The following FRMD4A variants were observed in gnomAD, a reference collection of about 807,000 sequenced individuals.
FRMD4A encodes the protein FERM domain containing 4A.
FRMD4A carries 29 observed loss-of-function variants against 129.1 expected under a neutral mutation model. The observed-to-expected ratio is 0.22, with a 90% CI of 0.17 to 0.31. FRMD4A has a LOEUF of 0.31. FRMD4A is among the 10% of genes least tolerant of loss of function. FRMD4A has a pLI of 1.00. For synonymous variants in FRMD4A, 634 were observed against 571.6 expected, an observed-to-expected ratio of 1.11 and a Z score of -1.56; for missense variants, 1,272 against 1,375.8, an observed-to-expected ratio of 0.92 and a Z score of 1.19.
At chr10:13,903,455 A>C (rs1365293053) in intron 2 of FRMD4A, among the ~76,000 whole-genome samples, 1 of 152,210 alleles carries the variant, frequency 6.6e-6, no homozygotes, top group Non-Finnish European at 1.5e-5. Flanking sequence ...GAGGCCGTGC[A>C]TGGTGGCTTA....
chr10:13,966,423 C>T (rs1286571411), intron 2 of FRMD4A, among the ~76,000 whole-genome samples: 1 of 152,160 alleles, frequency 6.6e-6, no homozygotes, highest in African/African-American at 2.4e-5. Flanking sequence ...TTTGCACTAA[C>T]CTAATAGAAG....
chr10:13,968,473 A>G (rs1282562854), intron 2 of FRMD4A, among the ~76,000 whole-genome samples: 1 of 152,090 alleles, frequency 6.6e-6, no homozygotes, highest in African/African-American at 2.4e-5. Flanking sequence ...TTTTTTTGAG[A>G]CGTAGTCTCA....
At chr10:13,824,321 C>CAAAAAAAAAAAAAAAAA in intron 3 of FRMD4A, among the ~76,000 whole-genome samples, 1 of 99,046 alleles carries the variant, frequency 1.0e-5, no homozygotes, top group Admixed American at 1.2e-4. Flanking sequence ...ACTAAAAATA[C>CAAAAAAAAAAAAAAAAA]AAAAAAAAAA....
At chr10:13,824,092 G>C (rs1430177936) in intron 3 of FRMD4A, among the ~76,000 whole-genome samples, 1 of 152,092 alleles carries the variant, frequency 6.6e-6, no homozygotes, top group Non-Finnish European at 1.5e-5. Context: ...CCAAGATTAA[G>C]TTACAGAAAA....
At chr10:13,975,426 C>T (rs1324479443) in intron 2 of FRMD4A, among the ~76,000 whole-genome samples, 9 of 150,438 alleles carry the variant, frequency 6.0e-5, no homozygotes, top group Admixed American at 3.3e-4. Context: ...TGTGTCTGTG[C>T]GTATGTGTGT....
At chr10:14,013,478 C>A (rs1706111250) in intron 2 of FRMD4A, among the ~76,000 whole-genome samples, 1 of 152,106 alleles carries the variant, frequency 6.6e-6, no homozygotes, top group South Asian at 2.1e-4. Context: ...GTGTGGGGCT[C>A]AGGGAAAGAG....
intron 2 of FRMD4A, among the ~76,000 whole-genome samples, chr10:13,927,519 G>T (rs916230496): frequency 1.3e-5 from 2 of 152,132 alleles, no homozygotes; most frequent in East Asian, 1.9e-4. Flanking sequence ...GATTCAAGTG[G>T]TTTCTGCCTT....
intron 2 of FRMD4A, among the ~76,000 whole-genome samples, chr10:14,242,366 A>C (rs1844078385): frequency 6.6e-6 from 1 of 152,178 alleles, no homozygotes; most frequent in African/African-American, 2.4e-5. Flanking sequence ...CCTCAAGCTA[A>C]TTTTATTCTC....
chr10:13,928,015 C>A (rs1403933539), intron 2 of FRMD4A, among the ~76,000 whole-genome samples: 1 of 101,840 alleles, frequency 9.8e-6, no homozygotes, highest in Non-Finnish European at 1.8e-5. Context: ...ACTTAACATA[C>A]CTTTTTTTTT....
At chr10:14,145,817 G>C (rs1840046700) in intron 2 of FRMD4A, among the ~76,000 whole-genome samples, 1 of 152,038 alleles carries the variant, frequency 6.6e-6, no homozygotes, top group South Asian at 2.1e-4. Context: ...AAAAACACTG[G>C]GGGCATGTTC....
At chr10:14,247,919 TA>T (rs1379480353) in intron 2 of FRMD4A, among the ~76,000 whole-genome samples, 2 of 149,370 alleles carry the variant, frequency 1.3e-5, no homozygotes, top group African/African-American at 2.5e-5. Context: ...TTTCGTAAGT[TA>T]AAAAAAAAAT....
At chr10:14,181,582 G>A (rs1297232227) in intron 2 of FRMD4A, among the ~76,000 whole-genome samples, 5 of 152,154 alleles carry the variant, frequency 3.3e-5, no homozygotes, top group African/African-American at 7.2e-5. Context: ...AGAATTGTGC[G>A]ACAGAAATTA....
intron 2 of FRMD4A, chr10:13,890,968 G>A (rs2094688656): frequency 2.4e-6 from 1 of 412,938 alleles, no homozygotes; most frequent in African/African-American, 2.1e-5. Context: ...GTTACGCACA[G>A]GCAGCCCACG....
At chr10:13,762,359 G>T (rs17153954) in intron 7 of FRMD4A, among the ~76,000 whole-genome samples, 1 of 152,138 alleles carries the variant, frequency 6.6e-6, no homozygotes, top group Non-Finnish European at 1.5e-5. Flanking sequence ...GTCAGTAAAT[G>T]ATCTCAGTTT....
intron 14 of FRMD4A, among the ~76,000 whole-genome samples, chr10:13,694,800 C>T (rs1276156131): frequency 1.3e-5 from 2 of 151,402 alleles, no homozygotes; most frequent in Non-Finnish European, 2.9e-5. Flanking sequence ...TGTGATTGCA[C>T]CATTGCACCC....
chr10:14,245,147 G>A (rs796127933), intron 2 of FRMD4A, among the ~76,000 whole-genome samples: 4 of 152,272 alleles, frequency 2.6e-5, no homozygotes, highest in African/African-American at 9.6e-5. Context: ...CCACACTTAC[G>A]CTTGGGTCCC....
intron 2 of FRMD4A, among the ~76,000 whole-genome samples, chr10:14,324,348 C>T (rs1843180102): frequency 6.6e-6 from 1 of 152,046 alleles, no homozygotes; most frequent in Non-Finnish European, 1.5e-5. Context: ...GGGTTTTTGC[C>T]ACTGACTTGG....
intron 3 of FRMD4A, among the ~76,000 whole-genome samples, 185 bp downstream of exon 3, chr10:13,858,662 G>A (rs1405413267): frequency 6.6e-6 from 1 of 152,200 alleles, no homozygotes; most frequent in African/African-American, 2.4e-5. Flanking sequence ...CCTTAGGCTG[G>A]TGTACAGATA....
intron 8 of FRMD4A, among the ~76,000 whole-genome samples, chr10:13,749,107 C>T (rs578227533): frequency 3.9e-5 from 6 of 152,286 alleles, no homozygotes; most frequent in East Asian, 1.9e-4. Flanking sequence ...GAGCAACAAA[C>T]GGCAGCCACT....
Sources: allele counts gnomAD v4.1 joint callset (sites outside exome capture counted in the v4.1 genomes callset), GRCh38; gene constraint gnomAD v4.1.1; transcripts MANE v1.5; gene names NCBI Gene and HGNC (gene_info 2026-07-23, HGNC 2026-07-21).